Variants in FRK observed in about 807,000 individuals in gnomAD.
FRK encodes fyn related Src family tyrosine kinase.
In FRK, 51 loss-of-function variants were observed where a neutral mutation model predicts 56.4. The ratio of observed to expected loss-of-function variants is 0.90; its 90% confidence interval spans 0.72 to 1.14. FRK has a LOEUF of 1.14. Ranked by LOEUF, FRK falls within the 50% of genes most tolerant of loss-of-function variation. The pLI is 0.00. For synonymous variants in FRK, 245 were observed against 217.9 expected (o/e 1.12, Z -1.10); for missense variants, 570 against 601.4 (o/e 0.95, Z 0.55).
chr6:116,035,503 T>C (rs1160016652), intron 1 of FRK, among the ~76,000 whole-genome samples: 5 of 152,110 alleles, frequency 3.3e-5, no homozygotes, highest in African/African-American at 1.2e-4. Flanking sequence ...AGAAACTCTC[T>C]ACGTAATAAC....
chr6:116,058,194 C>A (rs903172915), intron 1 of FRK, among the ~76,000 whole-genome samples: 3 of 152,032 alleles, frequency 2.0e-5, no homozygotes, highest in African/African-American at 7.3e-5. Context: ...CCATACAGGA[C>A]ATAGAAATCA....
intron 2 of FRK, chr6:116,002,622 G>A: frequency 2.3e-6 from 1 of 439,006 alleles, no homozygotes; most frequent in South Asian, 1.6e-5. Flanking sequence ...CAAAAAAATG[G>A]TAATTGACAC....
chr6:116,004,891 T>G (rs935365489), intron 1 of FRK, among the ~76,000 whole-genome samples: 17 of 152,158 alleles, frequency 1.1e-4, no homozygotes, highest in African/African-American at 4.1e-4. Context: ...GTCATCATCA[T>G]TAAAGATTTT....
rs770486362 is a variant in FRK, at chr6:115,968,606, C to T, written c.600G>A (p.Leu200=). The change falls in exon 3 of 8, where the codon CTG becomes CTA. Residue 200 remains leucine (L), a synonymous_variant. Transcript: ENST00000606080. ...AGCATGGTTTCCCCAGCTTGACACACAGGCCGTCACTTGTCTTGGTGTAGT... is the reference window on the plus strand; with the variant it reads ...AGCATGGTTTCCCCAGCTTGACACATAGGCCGTCACTTGTCTTGGTGTAGT... ...VSHYTKTSDG[L]CVKLGKPCLK... 3 of 1,613,426 alleles carry T rather than the reference C, an allele frequency of 1.9e-6. No homozygotes were observed. Among genetic ancestry groups the T allele is most frequent in the Non-Finnish European group, 2.5e-6 (3 of 1,179,640 alleles).
Position 116,049,914 on chromosome 6 carries a change from G to A in FRK, c.344+10054C>T, listed in dbSNP as rs138797526. Among the ~76,000 whole-genome samples, 685 of 152,288 alleles carry A rather than the reference G, an allele frequency of 4.5e-3. 2 individuals carry two copies. The highest frequency in any genetic ancestry group is 7.0e-3 in the Non-Finnish European group (473 of 68,018). ...AAAAGGGTCATATGAGCTGAACCCT[G>A]AAAGGAAGGTATGATTTCCCCCAAA... On this transcript the variant is annotated intron_variant, in intron 1 of 7. Coordinates refer to ENST00000606080, the MANE Select transcript of FRK (RefSeq NM_002031.3).
intron 1 of FRK, among the ~76,000 whole-genome samples, chr6:116,021,475 T>C (rs980981896): frequency 6.6e-6 from 1 of 152,118 alleles, no homozygotes; most frequent in Non-Finnish European, 1.5e-5. Context: ...TACAGTATAA[T>C]TGCCTGGAAT....
chr6:115,972,503 T>C (rs1018422083), intron 2 of FRK, among the ~76,000 whole-genome samples: 1 of 152,160 alleles, frequency 6.6e-6, no homozygotes, highest in African/African-American at 2.4e-5. Flanking sequence ...TAAAGGGGGT[T>C]CCATAGTGTG....
chr6:116,005,687 T>C (rs1775221693), intron 1 of FRK, among the ~76,000 whole-genome samples: 1 of 152,202 alleles, frequency 6.6e-6, no homozygotes, highest in Non-Finnish European at 1.5e-5. Flanking sequence ...AAAGTGGCCA[T>C]GTAATGAATT....
At chr6:115,958,354 T>G (rs967433671) in intron 4 of FRK, among the ~76,000 whole-genome samples, 11 of 150,934 alleles carry the variant, frequency 7.3e-5, no homozygotes, top group Non-Finnish European at 1.5e-4. Flanking sequence ...AGGCTGGGCA[T>G]GGTGGCTCAA....
chr6:116,023,624 G>A (rs1033720582), intron 1 of FRK, among the ~76,000 whole-genome samples: 4 of 152,144 alleles, frequency 2.6e-5, no homozygotes, highest in Non-Finnish European at 2.9e-5. Context: ...GAAAGGGAGA[G>A]TATCTGGAAA....
At chr6:116,037,564 A>C (rs942786097) in intron 1 of FRK, among the ~76,000 whole-genome samples, 1 of 152,214 alleles carries the variant, frequency 6.6e-6, no homozygotes, top group Admixed American at 6.5e-5. Flanking sequence ...ACTTATTTCC[A>C]TACTGAGCAC....
chr6:116,006,294 T>A (rs955417909), intron 1 of FRK, among the ~76,000 whole-genome samples: 1 of 152,214 alleles, frequency 6.6e-6, no homozygotes, highest in Admixed American at 6.5e-5. Context: ...GGCCTCTACA[T>A]GTGCTGGTAT....
At chr6:115,992,986 T>A (rs983277588) in intron 2 of FRK, among the ~76,000 whole-genome samples, 1 of 151,762 alleles carries the variant, frequency 6.6e-6, no homozygotes, top group Non-Finnish European at 1.5e-5. Context: ...GAGATTCGAG[T>A]ATGAACTCTA....
At chr6:115,982,657 A>C (rs925470950) in intron 2 of FRK, among the ~76,000 whole-genome samples, 12 of 152,254 alleles carry the variant, frequency 7.9e-5, no homozygotes, top group Admixed American at 7.9e-4. Flanking sequence ...ACAACTGTGA[A>C]TTACTCAGTC....
At chr6:116,006,873 G>A (rs1582705953) in intron 1 of FRK, among the ~76,000 whole-genome samples, 1 of 151,954 alleles carries the variant, frequency 6.6e-6, no homozygotes, top group East Asian at 1.9e-4. Flanking sequence ...AATTGTTCAA[G>A]GATTAGAGTA....
intron 5 of FRK, among the ~76,000 whole-genome samples, chr6:115,949,000 T>C (rs891569533): frequency 7.9e-5 from 12 of 152,120 alleles, no homozygotes; most frequent in African/African-American, 2.9e-4. Flanking sequence ...ATGAAGGAAG[T>C]TTCCTTGTAA....
intron 5 of FRK, among the ~76,000 whole-genome samples, chr6:115,953,845 T>C (rs1337935879): frequency 2.0e-5 from 3 of 152,216 alleles, no homozygotes; most frequent in Non-Finnish European, 4.4e-5. Context: ...GCCCATACTT[T>C]CTTATGTGCC....
At chr6:115,944,159 A>T in intron 6 of FRK, 85 bp downstream of exon 6, 1 of 1,121,912 alleles carries the variant, frequency 8.9e-7, no homozygotes, top group Non-Finnish European at 1.3e-6. Flanking sequence ...ACATTGTTTT[A>T]AAGAATAACA....
intron 1 of FRK, among the ~76,000 whole-genome samples, chr6:116,031,189 T>C (rs1218641768): frequency 2.0e-5 from 3 of 152,040 alleles, no homozygotes; most frequent in Non-Finnish European, 1.5e-5. Context: ...GACAGAAATA[T>C]GAAAATTAGA....
Sources: gnomAD v4.1 joint callset for allele counts (sites outside exome capture counted in the v4.1 genomes callset) on GRCh38, gnomAD v4.1.1 for gene constraint, MANE v1.5 for transcripts, NCBI Gene and HGNC (gene_info 2026-07-23, HGNC 2026-07-21) for gene names.